Variants in RBMS2 observed in about 807,000 individuals in gnomAD.
RBMS2 encodes RNA-binding motif, single-stranded-interacting protein 2.
Under a neutral mutation model 58.4 loss-of-function variants are expected in RBMS2, and 38 were observed. The ratio of observed to expected loss-of-function variants is 0.65; its 90% confidence interval spans 0.50 to 0.85. RBMS2 has a LOEUF of 0.85. Ranked by LOEUF, RBMS2 falls within the 40% of genes least tolerant of loss-of-function variation. RBMS2 has a pLI of 0.00. For missense variants in RBMS2, 367 were observed against 503.7 expected (o/e 0.73, Z 2.60); for synonymous variants, 151 against 180.7 (o/e 0.84, Z 1.32).
intron 1 of RBMS2, among the ~76,000 whole-genome samples, chr12:56,533,707 C>T (rs867426707): frequency 4.6e-5 from 7 of 152,096 alleles, no homozygotes; most frequent in Middle Eastern, 3.4e-3. Context: ...TGAGCCACTG[C>T]GCCCAGCAGC....
chr12:56,550,194 T>C (rs1262019762), intron 1 of RBMS2, among the ~76,000 whole-genome samples: 1 of 152,134 alleles, frequency 6.6e-6, no homozygotes, highest in African/African-American at 2.4e-5. Context: ...TTAGAAGACA[T>C]GAATTGGCTG....
chr12:56,520,891 A>G (rs1445944212), upstream of RBMS2, among the ~76,000 whole-genome samples: 1 of 152,216 alleles, frequency 6.6e-6, no homozygotes, highest in Non-Finnish European at 1.5e-5. Context: ...GTTAAATAAG[A>G]TAGCCTGCAA....
At chr12:56,562,731 A>G in intron 2 of RBMS2, 148 bp downstream of exon 2, 1 of 902,006 alleles carries the variant, frequency 1.1e-6, no homozygotes, top group Non-Finnish European at 1.7e-6. Flanking sequence ...GATGCATGCC[A>G]CCACTCCTGG....
At chr12:56,559,686 C>T (rs1281600006) in intron 1 of RBMS2, among the ~76,000 whole-genome samples, 1 of 148,944 alleles carries the variant, frequency 6.7e-6, no homozygotes, top group Non-Finnish European at 1.5e-5. Flanking sequence ...TCCGTCTCTA[C>T]TAAAAATACA....
Position 56,554,434 on chromosome 12 carries a change from C to G in RBMS2, c.67-7983C>G, listed in dbSNP as rs183199191. 7.9e-5 allele frequency among the ~76,000 whole-genome samples: 12 copies of G among 152,266 alleles called. No individual in the cohort carries two copies. In the East Asian group the frequency reaches 2.1e-3, roughly 27 times the overall value. ...AAAAGGAACAAGATTATGTCCTTTG[C>G]ATGGACATGGATGGAGCTGGAAGCC... On this transcript the variant is annotated intron_variant, in intron 1 of 13. Coordinates refer to ENST00000262031, the MANE Select transcript of RBMS2 (RefSeq NM_002898.4).
intron 1 of RBMS2, among the ~76,000 whole-genome samples, chr12:56,536,662 G>A (rs1174598391): frequency 6.6e-6 from 1 of 151,080 alleles, no homozygotes; most frequent in African/African-American, 2.4e-5. Context: ...CCACCTGGTG[G>A]GTTCAAGCAA....
rs147815692 is a variant in RBMS2 at position 56,581,217 on chromosome 12, C to T, written c.576C>T (p.Ile192=). 1,159 of 1,609,554 alleles carry T rather than the reference C, an allele frequency of 7.2e-4. No homozygotes were observed. Among genetic ancestry groups the T allele is most frequent in the Non-Finnish European group, 8.8e-4 (1,036 of 1,175,928 alleles). ...CCACAGAGAAGTGTGAAGCCATCAT[C>T]ACCCACTTTAATGGAAAATATATTA... ...MESTEKCEAI[I]THFNGKYIKT... Residue 192 remains isoleucine (I), a synonymous_variant, in exon 6 of 14, where the codon ATC becomes ATT. Coordinates refer to ENST00000262031, the MANE Select transcript of RBMS2 (RefSeq NM_002898.4).
intron 1 of RBMS2, among the ~76,000 whole-genome samples, chr12:56,532,029 T>C (rs1205707993): frequency 6.6e-6 from 1 of 151,418 alleles, no homozygotes; most frequent in Admixed American, 6.6e-5. Context: ...GAGACCAGTC[T>C]GGCCAACGTG....
At chr12:56,542,413 T>A (rs200282271) in intron 1 of RBMS2, among the ~76,000 whole-genome samples, 1 of 151,372 alleles carries the variant, frequency 6.6e-6, no homozygotes, top group Non-Finnish European at 1.5e-5. Context: ...TAAATCCCTT[T>A]ACCTGTTTTT....
In RBMS2 at chr12:56,525,971, A is replaced by G. The variant is rs187535693; in HGVS notation, c.66+3882A>G. Among the ~76,000 whole-genome samples the G allele has an allele frequency of 4.4e-3, 668 of 152,028 alleles. 5 individuals carry two copies. The highest frequency in any genetic ancestry group is 0.016 in the African/African-American group (644 of 41,488). On this transcript the variant is annotated intron_variant, in intron 1 of 13. Transcript: ENST00000262031. ...AGCCACCACGCCCTACCTATATATA[A>G]CTTTTATATAAAAGTTACTGTTTCT...
intron 12 of RBMS2, 73 bp downstream of exon 12, chr12:56,588,447 C>A (rs1374209795): frequency 4.5e-6 from 6 of 1,319,954 alleles, no homozygotes; most frequent in Non-Finnish European, 6.5e-6. Context: ...TGATCAAGAT[C>A]TTTCTCTCAC....
At chr12:56,523,310 CT>C (rs1399802399) in intron 1 of RBMS2, among the ~76,000 whole-genome samples, 2 of 152,148 alleles carry the variant, frequency 1.3e-5, no homozygotes, top group African/African-American at 4.8e-5. Flanking sequence ...TAAAGTTGTA[CT>C]GTATATGGGA....
At chr12:56,585,401 T>C (rs1171451284) in intron 9 of RBMS2, among the ~76,000 whole-genome samples, 1 of 152,220 alleles carries the variant, frequency 6.6e-6, no homozygotes, top group Non-Finnish European at 1.5e-5. Context: ...TATATACTTC[T>C]GTGTCTATGG....
intron 1 of RBMS2, among the ~76,000 whole-genome samples, chr12:56,554,912 A>G (rs1457403906): frequency 6.6e-6 from 1 of 152,122 alleles, no homozygotes; most frequent in Non-Finnish European, 1.5e-5. Context: ...TGTATGCACT[A>G]TAATTTATGT....
chr12:56,565,328 C>T (rs530362118), intron 2 of RBMS2, among the ~76,000 whole-genome samples: 1 of 152,090 alleles, frequency 6.6e-6, no homozygotes, highest in African/African-American at 2.4e-5. Flanking sequence ...ATTATTTTGT[C>T]ACCTGGGTAC....
In RBMS2 at chr12:56,558,315, G is replaced by C. The variant is rs1479558893; in HGVS notation, c.67-4102G>C. On this transcript the variant is annotated intron_variant, in intron 1 of 13. Transcript: ENST00000262031. ...CCAGCCTCGGCCTCCCAAAGTGCTG[G>C]GATTACAGGCGTGAGCCACCAGCTG... Among the ~76,000 whole-genome samples, 8 of 150,306 alleles carry C rather than the reference G, an allele frequency of 5.3e-5. No homozygotes were observed. In the Admixed American group the frequency reaches 5.4e-4, roughly 10 times the overall value.
chr12:56,524,439 A>G (rs1412032489), intron 1 of RBMS2, among the ~76,000 whole-genome samples: 1 of 147,350 alleles, frequency 6.8e-6, no homozygotes, highest in Non-Finnish European at 1.5e-5. Context: ...TTTTTTTGAG[A>G]TGGAGTCTCG....
chr12:56,592,282 C>CGG lies in RBMS2; in HGVS notation c.*3149_*3150insGG, dbSNP rs1885357967. 2.0e-5 allele frequency: 3 copies of CGG among 152,172 alleles called. No individual in the cohort carries two copies. The highest frequency in any genetic ancestry group is 2.0e-4 in the Admixed American group (3 of 15,258). 9.4% of individuals were successfully genotyped at this position (152,172 alleles called of 1,614,324 possible). Reference sequence around the variant, plus strand: ...ATAACATTCTTAAAATATTTTAGTACTTGGCATTTTTCTGTTTTCAGTCAG... The same window carrying CGG: ...ATAACATTCTTAAAATATTTTAGTACGGTTGGCATTTTTCTGTTTTCAGTCAG... On this transcript the variant is annotated 3_prime_UTR_variant, in exon 14 of 14. Transcript: ENST00000262031.
At chr12:56,549,886 G>A (rs950205830) in intron 1 of RBMS2, among the ~76,000 whole-genome samples, 2 of 152,018 alleles carry the variant, frequency 1.3e-5, no homozygotes, top group East Asian at 3.9e-4. Flanking sequence ...AATTAACCGG[G>A]CGTGGTGGTG....
Sources: allele counts gnomAD v4.1 joint callset (sites outside exome capture counted in the v4.1 genomes callset), GRCh38; gene constraint gnomAD v4.1.1; transcripts MANE v1.5; gene names NCBI Gene and HGNC (gene_info 2026-07-23, HGNC 2026-07-21).